The following KALRN variants were observed in gnomAD, a reference collection of about 807,000 sequenced individuals.
The protein encoded by KALRN is kalirin RhoGEF kinase, also known as kalirin.
KALRN carries 70 observed loss-of-function variants against 353.7 expected under a neutral mutation model. The observed-to-expected ratio is 0.20, with a 90% CI of 0.16 to 0.24. KALRN has a LOEUF of 0.24. Ranked by LOEUF, KALRN falls within the 10% of genes least tolerant of loss-of-function variation. The pLI, the probability that KALRN is intolerant of heterozygous loss-of-function variation, is 1.00. For synonymous variants in KALRN, 1,391 were observed against 1,434.8 expected, an observed-to-expected ratio of 0.97 and a Z score of 0.69; for missense variants, 2,791 against 3,756.7, an observed-to-expected ratio of 0.74 and a Z score of 6.72.
chr3:124,502,721 G>A (rs562788969), intron 33 of KALRN, among the ~76,000 whole-genome samples: 1 of 152,312 alleles, frequency 6.6e-6, no homozygotes, highest in Non-Finnish European at 1.5e-5. Flanking sequence ...CCAGGGGACT[G>A]TGGGGCACTC....
At chr3:124,470,352 T>C (rs138547548) in intron 25 of KALRN, among the ~76,000 whole-genome samples, 2,137 of 152,314 alleles carry the variant, frequency 0.014, 55 homozygotes, top group African/African-American at 0.048. Context: ...TCATGTCTAT[T>C]TGAAGTAAGT....
At chr3:124,138,718 A>C (rs1186372597) in intron 1 of KALRN, among the ~76,000 whole-genome samples, 1 of 152,126 alleles carries the variant, frequency 6.6e-6, no homozygotes, top group Non-Finnish European at 1.5e-5. Flanking sequence ...AGCATGAACT[A>C]GGGGGCCTGT....
intron 4 of KALRN, among the ~76,000 whole-genome samples, chr3:124,265,110 T>C: frequency 6.6e-6 from 1 of 152,070 alleles, no homozygotes; most frequent in Non-Finnish European, 1.5e-5. Context: ...TCAGAGTAAA[T>C]GGGATATCCA....
intron 1 of KALRN, among the ~76,000 whole-genome samples, chr3:124,078,170 G>T (rs757996338): frequency 2.6e-5 from 4 of 152,016 alleles, no homozygotes; most frequent in Non-Finnish European, 5.9e-5. Context: ...TCATCTTTTT[G>T]TGGTGCTCCT....
chr3:124,338,523 T>C (rs1167261950), intron 9 of KALRN, among the ~76,000 whole-genome samples: 2 of 152,248 alleles, frequency 1.3e-5, no homozygotes, highest in Admixed American at 6.5e-5. Context: ...ATTTCCGTTC[T>C]TTTGCATTTG....
Position 124,474,051 on chromosome 3 carries a change from A to G in KALRN, c.4032-612A>G, listed in dbSNP as rs1324402403. 6.6e-5 allele frequency among the ~76,000 whole-genome samples: 10 copies of G among 152,206 alleles called. No individual in the cohort carries two copies. In the East Asian group the frequency reaches 1.9e-3, roughly 29 times the overall value. On this transcript the variant is annotated intron_variant, in intron 25 of 59. Transcript: ENST00000682506. The stretch of plus-strand genomic sequence containing the variant: ...TTATTTATTAACGTGGAAAGGAGCC[A>G]TGGCACAGATATCCACACTGGTGGA...
At chr3:124,109,723 A>ATG (rs1559972425) in intron 1 of KALRN, among the ~76,000 whole-genome samples, 1 of 142,624 alleles carries the variant, frequency 7.0e-6, no homozygotes, top group Non-Finnish European at 1.5e-5. Context: ...TGACATATAT[A>ATG]TCATACTTTG....
intron 1 of KALRN, among the ~76,000 whole-genome samples, chr3:124,101,776 A>G (rs889623898): frequency 3.3e-5 from 5 of 152,106 alleles, no homozygotes; most frequent in African/African-American, 7.2e-5. Context: ...CTGCTCAGCT[A>G]TCTGCACAGC....
At position 124,197,316 on chromosome 3, in the gene KALRN, G is replaced by A. The variant is rs188535643; in HGVS notation, c.74-30674G>A. On this transcript the variant is annotated intron_variant, in intron 1 of 59. Transcript: ENST00000682506. Reference sequence around the variant, plus strand: ...GCTGGGGAGAAGATGCTTACTTTCTGCAGGTGCATTATTCAAGAGCAGCCC... The same window carrying A: ...GCTGGGGAGAAGATGCTTACTTTCTACAGGTGCATTATTCAAGAGCAGCCC... 1.8e-3 allele frequency among the ~76,000 whole-genome samples: 270 copies of A among 152,300 alleles called. 1 individual carries two copies. The highest frequency in any genetic ancestry group is 6.3e-3 in the African/African-American group (262 of 41,558).
rs553312052 is a variant in KALRN, at chr3:124,538,139, G to A, written c.4936-24704G>A. The stretch of plus-strand genomic sequence containing the variant: ...AGTACATATACCATGAGGCAAAAAC[G>A]TATGTACCTTCTCTCACCACTGCCT... On this transcript the variant is annotated intron_variant, in intron 33 of 59. Transcript: ENST00000682506. Among the ~76,000 whole-genome samples, 11 of 152,292 alleles carry A rather than the reference G, an allele frequency of 7.2e-5. No homozygotes were observed. In the South Asian group the frequency reaches 8.3e-4, roughly 11 times the overall value.
chr3:124,337,023 T>A (rs1277063216), intron 9 of KALRN, among the ~76,000 whole-genome samples: 1 of 152,178 alleles, frequency 6.6e-6, no homozygotes, highest in Non-Finnish European at 1.5e-5. Flanking sequence ...ATCTTGAGAC[T>A]TTGCTGGAGT....
At chr3:124,360,830 C>G (rs1297476053) in intron 10 of KALRN, among the ~76,000 whole-genome samples, 1 of 152,124 alleles carries the variant, frequency 6.6e-6, no homozygotes, top group African/African-American at 2.4e-5. Flanking sequence ...GCTGGGGAAG[C>G]CAGCATTTGT....
intron 1 of KALRN, among the ~76,000 whole-genome samples, chr3:124,114,882 A>G (rs1453878677): frequency 6.6e-6 from 1 of 152,230 alleles, no homozygotes; most frequent in Non-Finnish European, 1.5e-5. Flanking sequence ...ACTTCCCGTC[A>G]GTGAGGTAGT....
intron 54 of KALRN, 105 bp from the exon 55 acceptor site, chr3:124,697,488 A>G (rs1269819691): frequency 8.3e-7 from 1 of 1,199,292 alleles, no homozygotes; most frequent in African/African-American, 1.6e-5. Context: ...TCACAGGAAA[A>G]AATTGTGACA....
At chr3:124,618,332 GTC>G (rs2078877021) in intron 34 of KALRN, among the ~76,000 whole-genome samples, 1 of 151,382 alleles carries the variant, frequency 6.6e-6, no homozygotes, top group Non-Finnish European at 1.5e-5. Flanking sequence ...AGCCAGGATG[GTC>G]TCGATCTCTT....
At chr3:124,432,791 T>C (rs930536061) in intron 16 of KALRN, among the ~76,000 whole-genome samples, 1 of 152,202 alleles carries the variant, frequency 6.6e-6, no homozygotes, top group Non-Finnish European at 1.5e-5. Context: ...CATAAACACC[T>C]CTTAATCAGT....
At chr3:124,060,927 G>A (rs954135870) in intron 1 of KALRN, among the ~76,000 whole-genome samples, 2 of 152,218 alleles carry the variant, frequency 1.3e-5, no homozygotes, top group Non-Finnish European at 2.9e-5. Context: ...AGCCTGTCCT[G>A]GGCAGGTAGC....
At chr3:124,266,466 T>A (rs966852408) in intron 4 of KALRN, among the ~76,000 whole-genome samples, 1 of 152,230 alleles carries the variant, frequency 6.6e-6, no homozygotes, top group African/African-American at 2.4e-5. Flanking sequence ...ATGTTTCCCC[T>A]GAGAATTTTC....
chr3:124,230,857 C>CAAAAAAAAAAAAAA (rs796655959), intron 2 of KALRN, among the ~76,000 whole-genome samples: 2 of 93,696 alleles, frequency 2.1e-5, no homozygotes, highest in Admixed American at 1.1e-4. Context: ...CCCCCAAAAC[C>CAAAAAAAAAAAAAA]AAAAAAAAAA....
Sources: allele counts gnomAD v4.1 joint callset (sites outside exome capture counted in the v4.1 genomes callset), GRCh38; gene constraint gnomAD v4.1.1; transcripts MANE v1.5; gene names NCBI Gene and HGNC (gene_info 2026-07-23, HGNC 2026-07-21).